The following SCAI variants were observed in gnomAD, a reference collection of about 807,000 sequenced individuals.
SCAI encodes suppressor of cancer cell invasion, also known as protein SCAI.
A neutral mutation model predicts 92.2 loss-of-function variants in SCAI; 24 were observed. The observed-to-expected ratio is 0.26, with a 90% CI of 0.19 to 0.37. The LOEUF (loss-of-function observed/expected upper bound fraction) is 0.37. SCAI is among the 10% of genes least tolerant of loss of function. The probability of loss-of-function intolerance (pLI) is 1.00; values close to 1 mark genes in which losing one functional copy is unlikely to be tolerated. For missense variants in SCAI, 450 were observed against 736.2 expected (o/e 0.61, Z 4.50); for synonymous variants, 261 against 258.6 (o/e 1.01, Z -0.09).
At chr9:125,016,217 TACAAAA>T (rs1832756461) in intron 9 of SCAI, among the ~76,000 whole-genome samples, 1 of 144,954 alleles carries the variant, frequency 6.9e-6, no homozygotes. Flanking sequence ...AAATAATAAA[TACAAAA>T]AAAAAATACA....
chr9:125,081,976 C>A lies in SCAI; in HGVS notation c.99-25969G>T, dbSNP rs138339129. ...CCATTTTCCGGGGAGACATTCAAGCCGGCTGCAGAAATTTGCATAAGTAAC... is the reference window on the plus strand; with the variant it reads ...CCATTTTCCGGGGAGACATTCAAGCAGGCTGCAGAAATTTGCATAAGTAAC... On this transcript the variant is annotated intron_variant, in intron 2 of 17. Transcript: ENST00000336505. Among the ~76,000 whole-genome samples the A allele has an allele frequency of 3.0e-4, 46 of 152,290 alleles. No individual in the cohort carries two copies. In the East Asian group the frequency reaches 6.0e-3, roughly 20 times the overall value.
intron 6 of SCAI, among the ~76,000 whole-genome samples, chr9:125,023,425 G>T (rs540776051): frequency 2.0e-5 from 3 of 152,058 alleles, no homozygotes; most frequent in Non-Finnish European, 4.4e-5. Context: ...TCATATTGTC[G>T]AAAGTGGAAT....
At chr9:125,026,983 T>C (rs919216739) in intron 5 of SCAI, 73 bp from the exon 6 acceptor site, 8 of 819,018 alleles carry the variant, frequency 9.8e-6, no homozygotes, top group Admixed American at 2.4e-5. Context: ...TTGTTCTATA[T>C]ACCGCTGTAT....
Position 125,019,131 on chromosome 9 carries a change from A to G in SCAI, c.684T>C (p.Leu228=), listed in dbSNP as rs1272288327. 2 of 1,604,520 alleles carry G rather than the reference A, an allele frequency of 1.2e-6. No individual in the cohort carries two copies. The change falls in exon 8 of 18, where the codon CTT becomes CTC. Residue 228 remains leucine, a synonymous_variant. Coordinates refer to ENST00000336505, the MANE Select transcript of SCAI (RefSeq NM_001144877.3). ...CCTCAATGAAAGCTGCTACTTCTTG[A>G]AGCACCAAGTTCCATTCCACTTGAT... The part of the protein sequence containing the change: ...TEDQVEWNLV[L]QEVAAFIEAD...
intron 3 of SCAI, among the ~76,000 whole-genome samples, chr9:125,051,496 AT>A (rs1833560162): frequency 6.6e-6 from 1 of 152,196 alleles, no homozygotes; most frequent in Non-Finnish European, 1.5e-5. Flanking sequence ...GGGATATAAG[AT>A]TTATATTTCA....
chr9:124,997,231 T>C (rs1832255983), intron 13 of SCAI, among the ~76,000 whole-genome samples: 1 of 152,194 alleles, frequency 6.6e-6, no homozygotes, highest in Admixed American at 6.5e-5. Flanking sequence ...CCTCACATGA[T>C]GGATCATAGT....
chr9:125,129,066 A>G (rs1472304384), intron 2 of SCAI, among the ~76,000 whole-genome samples: 1 of 152,000 alleles, frequency 6.6e-6, no homozygotes, highest in African/African-American at 2.4e-5. Flanking sequence ...TCCCTCTCAT[A>G]TATAAATAAA....
chr9:124,968,610 A>AT (rs1469729469), intron 17 of SCAI: 1 of 953,416 alleles, frequency 1.0e-6, no homozygotes, highest in East Asian at 2.4e-5. Context: ...AAACTCTGCT[A>AT]AAGAGTCCAG....
intron 9 of SCAI, among the ~76,000 whole-genome samples, chr9:125,006,178 G>A (rs1025723383): frequency 6.6e-6 from 1 of 152,070 alleles, no homozygotes; most frequent in Non-Finnish European, 1.5e-5. Flanking sequence ...AAAAAGGCAC[G>A]CCTGATTCAG....
intron 14 of SCAI, among the ~76,000 whole-genome samples, chr9:124,983,927 G>A (rs1174546528): frequency 6.6e-6 from 1 of 152,200 alleles, no homozygotes; most frequent in African/African-American, 2.4e-5. Flanking sequence ...AACACACTGT[G>A]TTGTGCAGGA....
intron 2 of SCAI, among the ~76,000 whole-genome samples, chr9:125,108,506 C>T (rs1342728237): frequency 3.3e-5 from 5 of 150,938 alleles, no homozygotes; most frequent in South Asian, 2.1e-4. Flanking sequence ...ATGTGAGGAG[C>T]GTCTCTGCCC....
At chr9:125,086,372 T>C (rs1588209303) in intron 2 of SCAI, among the ~76,000 whole-genome samples, 1 of 152,130 alleles carries the variant, frequency 6.6e-6, no homozygotes, top group African/African-American at 2.4e-5. Flanking sequence ...CTACCACAGG[T>C]GGTCAGAGAT....
chr9:125,040,189 T>C (rs1833290131), intron 3 of SCAI, among the ~76,000 whole-genome samples: 1 of 151,938 alleles, frequency 6.6e-6, no homozygotes, highest in Non-Finnish European at 1.5e-5. Flanking sequence ...AGCCCGTCTC[T>C]ATAAGAAAAT....
intron 15 of SCAI, among the ~76,000 whole-genome samples, chr9:124,973,111 T>C (rs978020227): frequency 6.6e-6 from 1 of 152,222 alleles, no homozygotes; most frequent in Non-Finnish European, 1.5e-5. Context: ...TATTAATGTT[T>C]CATATGTACC....
At chr9:125,042,914 G>A (rs1003836456) in intron 3 of SCAI, among the ~76,000 whole-genome samples, 1 of 124,576 alleles carries the variant, frequency 8.0e-6, no homozygotes, top group Non-Finnish European at 1.6e-5. Flanking sequence ...CACCCAGGCT[G>A]GAGTGCAGTG....
At chr9:124,975,249 T>G (rs1490413479) in intron 15 of SCAI, 2 of 445,708 alleles carry the variant, frequency 4.5e-6, no homozygotes, top group African/African-American at 2.0e-5. Context: ...GAACTTACCT[T>G]AAAACAACGG....
chr9:125,071,146 T>A (rs1228320691), intron 2 of SCAI, among the ~76,000 whole-genome samples: 1 of 152,204 alleles, frequency 6.6e-6, no homozygotes, highest in Non-Finnish European at 1.5e-5. Flanking sequence ...TTAAACTTCT[T>A]TTCCTTTATA....
intron 6 of SCAI, among the ~76,000 whole-genome samples, chr9:125,026,131 G>A (rs1832959963): frequency 1.3e-5 from 2 of 152,218 alleles, no homozygotes; most frequent in African/African-American, 4.8e-5. Context: ...AGCACTTTGG[G>A]AGGCCAAGGC....
chr9:125,006,024 T>C (rs1832498984), intron 9 of SCAI, among the ~76,000 whole-genome samples: 2 of 152,156 alleles, frequency 1.3e-5, no homozygotes, highest in African/African-American at 2.4e-5. Flanking sequence ...GAACAAAAAC[T>C]GATACTGCCC....
Sources: gnomAD v4.1 joint callset for allele counts (sites outside exome capture counted in the v4.1 genomes callset) on GRCh38, gnomAD v4.1.1 for gene constraint, MANE v1.5 for transcripts, NCBI Gene and HGNC (gene_info 2026-07-23, HGNC 2026-07-21) for gene names.